Variants in PLCZ1 observed in about 807,000 individuals in gnomAD.
The protein encoded by PLCZ1 is 1-phosphatidylinositol 4,5-bisphosphate phosphodiesterase zeta-1.
A neutral mutation model predicts 76.8 loss-of-function variants in PLCZ1; 64 were observed. That is an observed-to-expected ratio of 0.83 (90% CI 0.68 to 1.03). The LOEUF (loss-of-function observed/expected upper bound fraction) is 1.03. Ranked by LOEUF, PLCZ1 falls within the 50% of genes least tolerant of loss-of-function variation. The pLI is 0.00. For missense variants in PLCZ1, 751 were observed against 713.7 expected, an observed-to-expected ratio of 1.05 and a Z score of -0.60; for synonymous variants, 248 against 230.8, an observed-to-expected ratio of 1.07 and a Z score of -0.68.
Position 18,686,197 on chromosome 12 carries a change from T to C in PLCZ1, c.1591+1892A>G, listed in dbSNP as rs552612944. Among the ~76,000 whole-genome samples the C allele has an allele frequency of 9.9e-5, 15 of 152,106 alleles. 1 individual carries two copies. The South Asian group carries it at 2.7e-3, about 27-fold the overall frequency. Reference sequence around the variant, plus strand: ...TTTTATATCCTCTAACCACTGAAATTTTATCCTGACTCTACTTTGTATTTC... The same window carrying C: ...TTTTATATCCTCTAACCACTGAAATCTTATCCTGACTCTACTTTGTATTTC... On this transcript the variant is annotated intron_variant, in intron 13 of 14. Coordinates refer to ENST00000266505, the MANE Select transcript of PLCZ1 (RefSeq NM_033123.4).
In PLCZ1 at chr12:18,683,284, G is replaced by A. The variant is rs1235794078; in HGVS notation, c.1782C>T (p.Ser594=). The A allele has an allele frequency of 1.2e-6, 2 of 1,612,562 alleles. No individual in the cohort carries two copies. Among genetic ancestry groups the A allele is most frequent in the Non-Finnish European group, 1.7e-6 (2 of 1,179,060 alleles). ...AAACAAACAGTGAAGCAGGCTCAAG[G>A]CTCTCACCCATTCTGGAAAACAGAG... ...RIPLFSRMGE[S]LEPASLFVYV... Residue 594 remains serine, a synonymous_variant, in exon 15 of 15, where the codon AGC becomes AGT. Coordinates refer to ENST00000266505, the MANE Select transcript of PLCZ1 (RefSeq NM_033123.4).
At chr12:18,714,238 A>G (rs1957683510) in intron 5 of PLCZ1, among the ~76,000 whole-genome samples, 1 of 152,178 alleles carries the variant, frequency 6.6e-6, no homozygotes, top group Admixed American at 6.5e-5. Context: ...ACAGACACAT[A>G]CAAAGAGTTG....
intron 3 of PLCZ1, among the ~76,000 whole-genome samples, chr12:18,725,433 T>C (rs1279515247): frequency 6.6e-6 from 1 of 151,726 alleles, no homozygotes; most frequent in Non-Finnish European, 1.5e-5. Flanking sequence ...GCCACACAGG[T>C]AGACCAGGAT....
At chr12:18,664,543 T>G in the PLCZ1 span, among the ~76,000 whole-genome samples, 1 of 152,102 alleles carries the variant, frequency 6.6e-6, no homozygotes, top group South Asian at 2.1e-4. Context: ...ATGATTCTAT[T>G]TATATGAGAT....
intron 4 of PLCZ1, among the ~76,000 whole-genome samples, chr12:18,720,831 C>T (rs539310824): frequency 5.3e-5 from 8 of 151,944 alleles, no homozygotes; most frequent in African/African-American, 1.9e-4. Flanking sequence ...CAAATTAAAG[C>T]TCAAAATATG....
At chr12:18,681,462 A>G (rs1480881868), downstream of PLCZ1, among the ~76,000 whole-genome samples, 1 of 152,028 alleles carries the variant, frequency 6.6e-6, no homozygotes, top group Non-Finnish European at 1.5e-5. Flanking sequence ...TCTTCTCACA[A>G]CATTCCCAAC....
chr12:18,689,775 G>T (rs1953774857), intron 12 of PLCZ1, among the ~76,000 whole-genome samples: 1 of 152,126 alleles, frequency 6.6e-6, no homozygotes, highest in Non-Finnish European at 1.5e-5. Flanking sequence ...CAGATTGCAG[G>T]TGACGAAGAG....
At position 18,722,858 on chromosome 12, in the gene PLCZ1, A is replaced by G. The variant is rs186687105; in HGVS notation, c.367+453T>C. On this transcript the variant is annotated intron_variant, in intron 4 of 14. Coordinates refer to ENST00000266505, the MANE Select transcript of PLCZ1 (RefSeq NM_033123.4). ...ACAAAGTAAAATTCATCAGTTTATAATATTTTCTTCTTAGAATTTTTTTTC... is the reference window on the plus strand; with the variant it reads ...ACAAAGTAAAATTCATCAGTTTATAGTATTTTCTTCTTAGAATTTTTTTTC... Among the ~76,000 whole-genome samples the G allele has an allele frequency of 1.1e-4, 17 of 152,180 alleles. No homozygotes were observed. In the East Asian group the frequency reaches 3.3e-3, roughly 29 times the overall value.
At chr12:18,683,458 G>A (rs1952629642) in intron 14 of PLCZ1, 134 bp from the exon 15 acceptor site, 1 of 1,426,496 alleles carries the variant, frequency 7.0e-7, no homozygotes, top group Admixed American at 2.0e-5. Flanking sequence ...ATTCCCATCT[G>A]GTATATTAAT....
chr12:18,688,039 T>A (rs369879487), intron 13 of PLCZ1, 50 bp downstream of exon 13: 1 of 1,598,966 alleles, frequency 6.3e-7, no homozygotes, highest in African/African-American at 1.3e-5. Context: ...TTTGTAAGCT[T>A]TCCAACAAGA....
At chr12:18,659,658 C>T in the PLCZ1 span, among the ~76,000 whole-genome samples, 36 of 125,190 alleles carry the variant, frequency 2.9e-4, no homozygotes, top group African/African-American at 1.0e-3. Context: ...GAATAGTTCT[C>T]CATTCTTTTT....
intron 3 of PLCZ1, 141 bp from the exon 4 acceptor site, chr12:18,723,683 A>T: frequency 1.3e-6 from 1 of 788,688 alleles, no homozygotes; most frequent in Non-Finnish European, 2.0e-6. Context: ...AAGATAAAAT[A>T]TACAAAGCTG....
At chr12:18,723,238 G>T in intron 4 of PLCZ1, 73 bp downstream of exon 4, 1 of 1,337,328 alleles carries the variant, frequency 7.5e-7, no homozygotes, top group East Asian at 2.5e-5. Context: ...ACTTTGCTTT[G>T]AAATAATTTT....
intron 6 of PLCZ1, among the ~76,000 whole-genome samples, chr12:18,709,531 CT>C (rs34763581): frequency 4.7e-5 from 7 of 150,476 alleles, no homozygotes; most frequent in Admixed American, 3.3e-4. Flanking sequence ...AATTTTAGGA[CT>C]TTTTTTTTAT....
the PLCZ1 span, among the ~76,000 whole-genome samples, chr12:18,665,374 T>C: frequency 1.3e-5 from 2 of 151,980 alleles, no homozygotes; most frequent in Non-Finnish European, 2.9e-5. Flanking sequence ...ATGGCTAAAA[T>C]AGTATGTTTT....
intron 9 of PLCZ1, among the ~76,000 whole-genome samples, chr12:18,701,195 G>A (rs905729977): frequency 1.3e-5 from 2 of 152,000 alleles, no homozygotes; most frequent in African/African-American, 4.8e-5. Flanking sequence ...ATGTTGACCA[G>A]GCTGATCTCA....
At chr12:18,701,429 A>T (rs1955898092) in intron 9 of PLCZ1, 72 bp downstream of exon 9, 7 of 1,603,682 alleles carry the variant, frequency 4.4e-6, no homozygotes, top group South Asian at 1.1e-5. Flanking sequence ...CCAGAATTTT[A>T]AAAAAATCTC....
Position 18,699,816 on chromosome 12 carries a change from G to A in PLCZ1, c.1152C>T (p.Ala384=), listed in dbSNP as rs1468905557. 1 of 1,613,222 alleles carries A rather than the reference G, an allele frequency of 6.2e-7. No individual in the cohort carries two copies. The highest frequency in any genetic ancestry group is 8.5e-7 in the Non-Finnish European group (1 of 1,179,658). The part of the protein sequence containing the change: ...NENNSIGETQ[A]RKLSKLRVHE... ...TACCTCGCAATTTTGAAAGTTTTCG[G>A]GCTTGTGTCTCCCCAATAGAATTAT... Residue 384 remains alanine (A), a synonymous_variant, in exon 10 of 15, where the codon GCC becomes GCT. Coordinates refer to ENST00000266505, the MANE Select transcript of PLCZ1 (RefSeq NM_033123.4).
At chr12:18,704,066 G>C (rs534530680) in intron 7 of PLCZ1, among the ~76,000 whole-genome samples, 68 of 152,318 alleles carry the variant, frequency 4.5e-4, no homozygotes, top group African/African-American at 1.4e-3. Context: ...AGTGGTCAAA[G>C]AGGAGTGAGG....
Sources: gnomAD v4.1 joint callset for allele counts (sites outside exome capture counted in the v4.1 genomes callset) on GRCh38, gnomAD v4.1.1 for gene constraint, MANE v1.5 for transcripts, NCBI Gene and HGNC (gene_info 2026-07-23, HGNC 2026-07-21) for gene names.